SLC7A6: variants seen among roughly 807,000 people sequenced by gnomAD.
SLC7A6 encodes the protein solute carrier family 7 member 6.
A neutral mutation model predicts 46.6 loss-of-function variants in SLC7A6; 29 were observed. The ratio of observed to expected loss-of-function variants is 0.62; its 90% CI spans 0.46 to 0.85. The LOEUF is 0.85. Ranked by LOEUF, SLC7A6 falls within the 40% of genes least tolerant of loss-of-function variation. The pLI is 0.00. For missense variants in SLC7A6, 527 were observed against 647.6 expected (o/e 0.81, Z 2.02); for synonymous variants, 276 against 257.3 (o/e 1.07, Z -0.70).
rs2043245799 is a variant in SLC7A6 at position 68,300,194 on chromosome 16, C to G, written c.*2866C>G. On this transcript the variant is annotated 3_prime_UTR_variant, in exon 11 of 11. Coordinates refer to ENST00000219343, the MANE Select transcript of SLC7A6 (RefSeq NM_003983.6). ...TTAAAATGAAATAAAATTAAAAGCT[C>G]AGTTTCTCAGTTGCGCTAATCACAT... The G allele has an allele frequency of 6.6e-6, 1 of 152,194 alleles. No individual in the cohort carries two copies. The highest frequency in any genetic ancestry group is 6.5e-5 in the Admixed American group (1 of 15,282). 9.4% of individuals were successfully genotyped at this position (152,194 alleles called of 1,614,324 possible).
chr16:68,265,527 C>G (rs2042515200), intron 1 of SLC7A6: 1 of 152,152 alleles, frequency 6.6e-6, no homozygotes, highest in Non-Finnish European at 1.5e-5. Flanking sequence ...CAGTGCCCAG[C>G]CATCCGGGGC....
intron 3 of SLC7A6, among the ~76,000 whole-genome samples, chr16:68,282,712 G>T (rs1321161202): frequency 2.0e-5 from 3 of 151,984 alleles, no homozygotes; most frequent in Non-Finnish European, 4.4e-5. Context: ...CTGCCTCCCG[G>T]GTTCAAGTGA....
At chr16:68,296,295 G>A in intron 8 of SLC7A6, 69 bp from the exon 9 acceptor site, 1 of 1,576,636 alleles carries the variant, frequency 6.3e-7, no homozygotes, top group Admixed American at 1.7e-5. Context: ...ACTGACTGCT[G>A]GGTGGGGGAG....
chr16:68,288,631 C>T (rs935916937), intron 4 of SLC7A6, among the ~76,000 whole-genome samples: 4 of 152,140 alleles, frequency 2.6e-5, no homozygotes, highest in African/African-American at 9.7e-5. Context: ...TCTGTTGGAT[C>T]ACATTCTGGT....
chr16:68,291,403 C>A, intron 6 of SLC7A6, 71 bp downstream of exon 6: 2 of 1,597,346 alleles, frequency 1.3e-6, no homozygotes, highest in Admixed American at 1.7e-5. Flanking sequence ...CTCAGTCTGT[C>A]TTACTGCACC....
At chr16:68,271,968 A>C (rs1354346212) in intron 2 of SLC7A6, among the ~76,000 whole-genome samples, 2 of 151,900 alleles carry the variant, frequency 1.3e-5, no homozygotes. Flanking sequence ...CGCCCAGCTA[A>C]ATTTTTTTGT....
At chr16:68,277,729 G>A (rs1441142424) in intron 3 of SLC7A6, among the ~76,000 whole-genome samples, 1 of 152,014 alleles carries the variant, frequency 6.6e-6, no homozygotes, top group East Asian at 1.9e-4. Flanking sequence ...CTGGGTTCAA[G>A]CGATTCTCCT....
In SLC7A6 at chr16:68,301,000, AGCT is replaced by A. The variant is rs1385893348; in HGVS notation, c.*3673_*3675del. On this transcript the variant is annotated 3_prime_UTR_variant, in exon 11 of 11. Transcript: ENST00000219343. ...AAAAATTCCTGGGCCAAGAAGCTAAAGCTAAAGAAACCTTCCTTTTTTCAACGT... is the reference window on the plus strand; with the variant it reads ...AAAAATTCCTGGGCCAAGAAGCTAAAAAAGAAACCTTCCTTTTTTCAACGT... The A allele has an allele frequency of 1.9e-6, 2 of 1,080,858 alleles. No individual in the cohort carries two copies. Among genetic ancestry groups the A allele is most frequent in the African/African-American group, 1.7e-5 (1 of 60,492 alleles). 67.0% of individuals were successfully genotyped at this position (1,080,858 alleles called of 1,614,324 possible).
At chr16:68,279,115 C>A (rs902884945) in intron 3 of SLC7A6, among the ~76,000 whole-genome samples, 1 of 151,686 alleles carries the variant, frequency 6.6e-6, no homozygotes, top group Non-Finnish European at 1.5e-5. Context: ...GAGGGAGGAT[C>A]ACTTGAGCAC....
At chr16:68,296,105 T>C (rs2043159768) in intron 8 of SLC7A6, among the ~76,000 whole-genome samples, 1 of 152,132 alleles carries the variant, frequency 6.6e-6, no homozygotes, top group African/African-American at 2.4e-5. Context: ...TCTGCCTTTT[T>C]CTAAAGTGCT....
rs1433429297 is a variant in SLC7A6, at chr16:68,298,500, A to G, written c.*1172A>G. The G allele has an allele frequency of 2.0e-5, 3 of 152,218 alleles. No homozygotes were observed. Among genetic ancestry groups the G allele is most frequent in the East Asian group, 3.8e-4 (2 of 5,198 alleles). 9.4% of individuals were successfully genotyped at this position (152,218 alleles called of 1,614,324 possible). A position where few individuals can be genotyped will look rare whatever the true frequency, so the allele number is the denominator to read the frequency against. On this transcript the variant is annotated 3_prime_UTR_variant, in exon 11 of 11. Transcript: ENST00000219343. ...CTGTCCCTGGCACCAGGCTTTGTTT[A>G]CACTTGGAGCCACCTTGGTGTGGGT...
At chr16:68,294,565 C>G in intron 7 of SLC7A6, 140 bp from the exon 8 acceptor site, 1 of 668,378 alleles carries the variant, frequency 1.5e-6, no homozygotes, top group South Asian at 1.7e-5. Context: ...ACTGGTGATG[C>G]ACTAAGGACC....
At chr16:68,277,717 T>C (rs550149728) in intron 3 of SLC7A6, among the ~76,000 whole-genome samples, 2 of 152,054 alleles carry the variant, frequency 1.3e-5, no homozygotes, top group African/African-American at 4.8e-5. Flanking sequence ...AACCTCGGCC[T>C]CCTGGGTTCA....
At chr16:68,290,625 C>T (rs2043029961) in intron 5 of SLC7A6, 85 bp downstream of exon 5, 19 of 1,473,398 alleles carry the variant, frequency 1.3e-5, no homozygotes, top group Non-Finnish European at 1.8e-5. Context: ...CCTTCTCCTC[C>T]TCCCTCCGAC....
In SLC7A6 at chr16:68,301,677, T is replaced by C. The variant is rs1205347633; in HGVS notation, c.*4349T>C. ...CTCCCCTCCGTATAGGATTTTTTGT[T>C]GTTGTAAGAGTTGTAGTCATATTGT... On this transcript the variant is annotated 3_prime_UTR_variant, in exon 11 of 11. Coordinates refer to ENST00000219343, the MANE Select transcript of SLC7A6 (RefSeq NM_003983.6). 1.1e-5 allele frequency: 3 copies of C among 267,544 alleles called. No homozygotes were observed. Among genetic ancestry groups the C allele is most frequent in the East Asian group, 7.4e-5 (1 of 13,506 alleles). The allele number at this position is 267,544 out of a possible 1,614,324, so 16.6% of individuals were successfully genotyped here. A position where few individuals can be genotyped will look rare whatever the true frequency, so the allele number is the denominator to read the frequency against.
chr16:68,290,733 T>A, intron 5 of SLC7A6, 193 bp downstream of exon 5: 1 of 663,404 alleles, frequency 1.5e-6, no homozygotes. Context: ...CGGCTCCCTG[T>A]CCTCACGTTC....
At chr16:68,282,921 C>T (rs1302999298) in intron 3 of SLC7A6, among the ~76,000 whole-genome samples, 1 of 152,182 alleles carries the variant, frequency 6.6e-6, no homozygotes, top group African/African-American at 2.4e-5. Context: ...CCCGGCCTTT[C>T]TTCCACATTT....
rs2151235115 is a variant in SLC7A6, at chr16:68,297,515, G to A, written c.*187G>A. 1 of 432,572 alleles carries A rather than the reference G, an allele frequency of 2.3e-6. No individual in the cohort carries two copies. The highest frequency in any genetic ancestry group is 4.1e-6 in the Non-Finnish European group (1 of 244,198). 26.8% of individuals were successfully genotyped at this position (432,572 alleles called of 1,614,324 possible). A position where few individuals can be genotyped will look rare whatever the true frequency, so the allele number is the denominator to read the frequency against. On this transcript the variant is annotated 3_prime_UTR_variant, in exon 11 of 11. Coordinates refer to ENST00000219343, the MANE Select transcript of SLC7A6 (RefSeq NM_003983.6). ...GACTCAGGATCTGGGCCAACCTCAA[G>A]GTGGGGGCTTCAGAGGGTGGGGGGA...
Position 68,291,288 on chromosome 16 carries a change from G to A in SLC7A6, c.874G>A (p.Val292Met). Reference sequence around the variant, plus strand: ...CCTGACCAATGTGGCCTATTACACAGTGCTGAACATTTCAGATGTCCTTAG... The same window carrying A: ...CCTGACCAATGTGGCCTATTACACAATGCTGAACATTTCAGATGTCCTTAG... ...YILTNVAYYTVLNISDVLSSD... is the reference protein window; with the variant it reads ...YILTNVAYYTMLNISDVLSSD... Residue 292 changes from valine to methionine, a missense_variant, in exon 6 of 11, where the codon GTG becomes ATG. Physicochemically the swap from Val to Met is conservative, Grantham distance 21 (BLOSUM62 1). Transcript: ENST00000219343. The A allele has an allele frequency of 1.9e-6, 3 of 1,614,228 alleles. No individual in the cohort carries two copies. The highest frequency in any genetic ancestry group is 2.5e-6 in the Non-Finnish European group (3 of 1,180,038).
Sources: allele counts gnomAD v4.1 joint callset (sites outside exome capture counted in the v4.1 genomes callset), GRCh38; gene constraint gnomAD v4.1.1; transcripts MANE v1.5; gene names NCBI Gene and HGNC (gene_info 2026-07-23, HGNC 2026-07-21).